The following SCHIP1 variants were observed in gnomAD, a reference collection of about 807,000 sequenced individuals.
SCHIP1 encodes schwannomin-interacting protein 1.
Under a neutral mutation model 29.7 loss-of-function variants are expected in SCHIP1, and 8 were observed. The observed-to-expected ratio is 0.27, with a 90% CI of 0.16 to 0.49. The LOEUF (loss-of-function observed/expected upper bound fraction) is 0.49, where lower values mean the gene tolerates loss of function less well. Among genes scored for constraint, SCHIP1 ranks in the 20% least tolerant of loss-of-function variants. The pLI is 0.99. For synonymous variants in SCHIP1, 76 were observed against 94.9 expected, an observed-to-expected ratio of 0.80 and a Z score of 1.16; for missense variants, 193 against 294.6, an observed-to-expected ratio of 0.66 and a Z score of 2.52.
chr3:159,557,036 C>G, the SCHIP1 span, among the ~76,000 whole-genome samples: 1 of 151,700 alleles, frequency 6.6e-6, no homozygotes, highest in Non-Finnish European at 1.5e-5. Flanking sequence ...CGGCTCACCA[C>G]AAGCTCCGCC....
chr3:159,273,399 C>T, the SCHIP1 span: 3 of 1,001,098 alleles, frequency 3.0e-6, no homozygotes, highest in African/African-American at 3.5e-5. Flanking sequence ...TATTTTTAAT[C>T]GAAAAGTAGA....
At chr3:159,606,627 T>C in the SCHIP1 span, among the ~76,000 whole-genome samples, 2 of 152,096 alleles carry the variant, frequency 1.3e-5, no homozygotes, top group East Asian at 1.9e-4. Context: ...AGGACACCCA[T>C]GGTAAACATG....
chr3:159,851,260 A>C (rs1328001473), intron 1 of SCHIP1, among the ~76,000 whole-genome samples: 1 of 152,244 alleles, frequency 6.6e-6, no homozygotes, highest in Admixed American at 6.5e-5. Context: ...ATTGCACTCC[A>C]GCCTGGGCAA....
chr3:159,386,686 A>C, the SCHIP1 span: 1 of 152,250 alleles, frequency 6.6e-6, no homozygotes, highest in Non-Finnish European at 1.5e-5. Context: ...TACTGGTACC[A>C]AAACAGATAT....
chr3:159,639,292 T>A, the SCHIP1 span, among the ~76,000 whole-genome samples: 7 of 152,168 alleles, frequency 4.6e-5, no homozygotes, highest in African/African-American at 1.7e-4. Flanking sequence ...GTGTTTTTCT[T>A]CTTATTGGAA....
the SCHIP1 span, among the ~76,000 whole-genome samples, chr3:159,672,052 C>A: frequency 6.6e-6 from 1 of 152,156 alleles, no homozygotes; most frequent in South Asian, 2.1e-4. Flanking sequence ...ATAATTGGAA[C>A]CTCAAATGTC....
At chr3:159,338,478 G>A in the SCHIP1 span, among the ~76,000 whole-genome samples, 1,691 of 152,228 alleles carry the variant, frequency 0.011, 18 homozygotes, top group South Asian at 0.033. Flanking sequence ...ATGAGGTTAT[G>A]ACTATATTGT....
chr3:159,387,386 C>A, the SCHIP1 span: 1 of 370,436 alleles, frequency 2.7e-6, no homozygotes, highest in South Asian at 2.2e-5. Flanking sequence ...TCTTCATGTC[C>A]TTGACCAGGA....
chr3:159,667,234 A>G, the SCHIP1 span, among the ~76,000 whole-genome samples: 3 of 152,176 alleles, frequency 2.0e-5, no homozygotes, highest in Non-Finnish European at 2.9e-5. Flanking sequence ...ATGACAGGGC[A>G]AAGAAACCAG....
the SCHIP1 span, among the ~76,000 whole-genome samples, chr3:159,546,095 T>G: frequency 6.6e-6 from 1 of 152,032 alleles, no homozygotes; most frequent in African/African-American, 2.4e-5. Context: ...CATGGTAACC[T>G]TGATAAAATC....
chr3:159,359,247 ACAAAG>A, the SCHIP1 span, among the ~76,000 whole-genome samples: 1 of 152,076 alleles, frequency 6.6e-6, no homozygotes, highest in African/African-American at 2.4e-5. Context: ...TTTTTAAAGG[ACAAAG>A]CAAAGAAAAA....
chr3:159,791,360 C>T, the SCHIP1 span, among the ~76,000 whole-genome samples: 26 of 152,294 alleles, frequency 1.7e-4, no homozygotes, highest in Admixed American at 3.3e-4. Context: ...AGACTAGTAA[C>T]GGCAAGAAGC....
the SCHIP1 span, among the ~76,000 whole-genome samples, chr3:159,686,923 G>C: frequency 5.9e-5 from 9 of 152,134 alleles, no homozygotes; most frequent in Non-Finnish European, 8.8e-5. Flanking sequence ...TCTGTTCTCT[G>C]TTCTGTACTA....
chr3:159,709,513 A>C, the SCHIP1 span, among the ~76,000 whole-genome samples: 4 of 152,234 alleles, frequency 2.6e-5, no homozygotes, highest in African/African-American at 9.6e-5. Context: ...CATCAAAAGA[A>C]GTATAATTAT....
chr3:159,452,847 G>A, the SCHIP1 span, among the ~76,000 whole-genome samples: 8 of 152,154 alleles, frequency 5.3e-5, no homozygotes, highest in Admixed American at 5.2e-4. Context: ...TTTTATAACA[G>A]ATCTTCTCCA....
the SCHIP1 span, among the ~76,000 whole-genome samples, chr3:159,471,987 A>AT: frequency 6.6e-6 from 1 of 152,048 alleles, no homozygotes; most frequent in Non-Finnish European, 1.5e-5. Flanking sequence ...TTCTCTGGTC[A>AT]TTTTTTTACC....
chr3:159,626,233 GATATATCTATCTATCTAT>G, the SCHIP1 span, among the ~76,000 whole-genome samples: 1,030 of 97,130 alleles, frequency 0.011, 66 homozygotes, highest in African/African-American at 0.058. Context: ...TATATATCTA[GATATATCTATCTATCTAT>G]ATAGATAGAT....
chr3:159,707,605 G>A, the SCHIP1 span, among the ~76,000 whole-genome samples: 1 of 151,942 alleles, frequency 6.6e-6, no homozygotes, highest in Admixed American at 6.6e-5. Context: ...ATTAAGGCTG[G>A]GATTATAAAA....
the SCHIP1 span, among the ~76,000 whole-genome samples, chr3:159,275,986 T>C: frequency 6.6e-6 from 1 of 152,240 alleles, no homozygotes; most frequent in Non-Finnish European, 1.5e-5. Flanking sequence ...TTTATAACCT[T>C]TGGCTACAAA....
Sources: allele counts gnomAD v4.1 joint callset (sites outside exome capture counted in the v4.1 genomes callset), GRCh38; gene constraint gnomAD v4.1.1; transcripts MANE v1.5; gene names NCBI Gene and HGNC (gene_info 2026-07-23, HGNC 2026-07-21).